Variants in DGKA observed in about 807,000 individuals in gnomAD.
The protein encoded by DGKA is diacylglycerol kinase alpha.
DGKA carries 35 observed loss-of-function variants against 105.0 expected under a neutral mutation model. The ratio of observed to expected loss-of-function variants is 0.33; its 90% CI spans 0.25 to 0.44. DGKA has a LOEUF of 0.44. DGKA is among the 20% of genes least tolerant of loss of function. The pLI, the probability that DGKA is intolerant of heterozygous loss-of-function variation, is 1.00. For synonymous variants in DGKA, 296 were observed against 332.0 expected (o/e 0.89, Z 1.18); for missense variants, 665 against 915.0 (o/e 0.73, Z 3.53).
chr12:55,951,941 T>C, intron 18 of DGKA, 94 bp from the exon 19 acceptor site: 1 of 1,538,232 alleles, frequency 6.5e-7, no homozygotes, highest in South Asian at 1.1e-5. Flanking sequence ...TCTTGGGACA[T>C]GCTGTGGGGA....
At chr12:55,934,279 G>A (rs560981329) in intron 1 of DGKA, among the ~76,000 whole-genome samples, 6 of 152,280 alleles carry the variant, frequency 3.9e-5, no homozygotes, top group African/African-American at 1.2e-4. Context: ...AGTCATCTTA[G>A]AATCCCCAGG....
rs1207197048 is a variant in DGKA at position 55,953,970 on chromosome 12, G to T, written c.*202G>T. On this transcript the variant is annotated 3_prime_UTR_variant, in exon 24 of 24. Coordinates refer to ENST00000331886, the MANE Select transcript of DGKA (RefSeq NM_001345.5). ...ACACACACCCCAAAACACATACATT[G>T]AAAGTGCCTCATCTGAATAAAATGA... The T allele has an allele frequency of 4.7e-6, 3 of 632,490 alleles. No individual in the cohort carries two copies. The South Asian group carries it at 6.3e-5, about 13-fold the overall frequency. 39.2% of individuals were successfully genotyped at this position (632,490 alleles called of 1,614,324 possible).
intron 1 of DGKA, chr12:55,935,937 G>C: frequency 1.0e-6 from 1 of 986,636 alleles, no homozygotes. Context: ...TGGGGTCATG[G>C]CCAGGAAGAC....
chr12:55,933,221 C>A (rs556058192), intron 1 of DGKA, among the ~76,000 whole-genome samples: 1 of 152,316 alleles, frequency 6.6e-6, no homozygotes, highest in East Asian at 1.9e-4. Flanking sequence ...GTAATTCTCT[C>A]TCTATGCCTC....
At chr12:55,927,763 G>A, upstream of DGKA, 5 of 1,538,966 alleles carry the variant, frequency 3.2e-6, no homozygotes, top group East Asian at 2.4e-5. Flanking sequence ...AGCTTCCATG[G>A]CCGAAGAGGC....
At chr12:55,927,941 C>T (rs893933218), upstream of DGKA, 19 of 695,730 alleles carry the variant, frequency 2.7e-5, no homozygotes, top group Non-Finnish European at 4.2e-5. Flanking sequence ...GTGAAAGCTT[C>T]TGGGCGGACC....
intron 17 of DGKA, among the ~76,000 whole-genome samples, chr12:55,948,594 G>T (rs1177566691): frequency 6.6e-6 from 1 of 151,914 alleles, no homozygotes; most frequent in East Asian, 1.9e-4. Context: ...CAGGCATGGT[G>T]GCACACGCTT....
At chr12:55,934,203 G>A (rs1234336029) in intron 1 of DGKA, among the ~76,000 whole-genome samples, 2 of 152,144 alleles carry the variant, frequency 1.3e-5, no homozygotes. Flanking sequence ...TCTCTCCTTT[G>A]CATTGTAACT....
At chr12:55,927,849 G>A (rs1883225292), upstream of DGKA, 1 of 1,487,456 alleles carries the variant, frequency 6.7e-7, no homozygotes, top group Non-Finnish European at 9.0e-7. Flanking sequence ...GCGGCGAAGT[G>A]ATGAGGGCCC....
In DGKA at chr12:55,951,529, G is replaced by A. The variant is rs1189920515; in HGVS notation, c.1427-94G>A. The A allele has an allele frequency of 3.6e-6, 5 of 1,388,074 alleles. No homozygotes were observed. In the South Asian group the frequency reaches 4.1e-5, roughly 11 times the overall value. 86.0% of individuals were successfully genotyped at this position (1,388,074 alleles called of 1,614,324 possible). ...GGCTGGGAGGCTCTGTAGAAACAGG[G>A]CAGAAGGCCCCTGGGAATTTGTGGA... is the stretch of plus-strand genomic sequence containing the variant. On this transcript the variant is annotated intron_variant, in intron 17 of 23. Transcript: ENST00000331886.
chr12:55,927,589 A>T (rs1459190662), upstream of DGKA: 7 of 1,141,128 alleles, frequency 6.1e-6, no homozygotes, highest in South Asian at 2.9e-5. Context: ...GTTTCTAGGG[A>T]CGGTTGGAGA....
chr12:55,945,781 C>A (rs1419360924), intron 17 of DGKA, among the ~76,000 whole-genome samples: 1 of 150,394 alleles, frequency 6.6e-6, no homozygotes, highest in Non-Finnish European at 1.5e-5. Context: ...GATCCCCCAT[C>A]TCAAAATCCT....
At chr12:55,938,377 C>T in intron 5 of DGKA, 134 bp from the exon 6 acceptor site, 2 of 1,128,214 alleles carry the variant, frequency 1.8e-6, no homozygotes, top group Admixed American at 4.1e-5. Flanking sequence ...TTGTCTCTCT[C>T]TCAGTCCCAT....
chr12:55,936,226 CAG>C, intron 1 of DGKA, 195 bp from the exon 2 acceptor site: 1 of 604,816 alleles, frequency 1.7e-6, no homozygotes, highest in Non-Finnish European at 2.5e-6. Flanking sequence ...GAAACAGAGA[CAG>C]AGGACAGACA....
rs756350392 is a variant in DGKA at position 55,940,922 on chromosome 12, G to A, written c.1043G>A (p.Ser348Asn). 1 of 1,614,136 alleles carries A rather than the reference G, an allele frequency of 6.2e-7. No homozygotes were observed. The highest frequency in any genetic ancestry group is 8.5e-7 in the Non-Finnish European group (1 of 1,180,014). The change falls in exon 13 of 24, where the codon AGC (serine) becomes AAC (asparagine). Residue 348 changes from serine (S) to asparagine (N), a missense_variant. Coordinates refer to ENST00000331886, the MANE Select transcript of DGKA (RefSeq NM_001345.5). The surrounding 1 kb of genome is among the most constrained non-coding windows in gnomAD (Gnocchi z 4.3). ...GCCTCTGGACCGGATCGTAAAAATA[G>A]CAAAACAAGCCAGAAGACCATGGAT... Reference protein sequence around the residue: ...VLASGPDRKNSKTSQKTMDDL... With the variant: ...VLASGPDRKNNKTSQKTMDDL...
chr12:55,940,324 A>T lies in DGKA; in HGVS notation c.809A>T (p.His270Leu). Residue 270 changes from histidine to leucine, a missense_variant, in exon 11 of 24, where the codon CAT becomes CTT. Physicochemically the swap from His to Leu is moderately conservative, Grantham distance 99. This residue lies in a region of DGKA where 504 missense variants were observed against 681.2 expected (regional missense o/e 0.74). Coordinates refer to ENST00000331886, the MANE Select transcript of DGKA (RefSeq NM_001345.5). The surrounding 1 kb of genome is among the most constrained non-coding windows in gnomAD (Gnocchi z 4.3). The stretch of plus-strand genomic sequence containing the variant: ...GCCTTTCTCCCCAAGGTCCAATCAC[A>T]TGTGTGGGTGCGAGGAGGCTGTGAG... ...KSRKDIGVQS[H>L]VWVRGGCESG... 6.2e-7 allele frequency: 1 copy of T among 1,614,106 alleles called. No homozygotes were observed. Among genetic ancestry groups the T allele is most frequent in the African/African-American group, 1.3e-5 (1 of 75,018 alleles).
Position 55,941,246 on chromosome 12 carries a change from A to G in DGKA, c.1102-6A>G, listed in dbSNP as rs538807767. On this transcript the variant is annotated splice_polypyrimidine_tract_variant and splice_region_variant and intron_variant, in intron 13 of 23. Coordinates refer to ENST00000331886, the MANE Select transcript of DGKA (RefSeq NM_001345.5). Reference sequence around the variant, plus strand: ...TCTTTGTCCTTATTTTCTTCCCCCAATGCAGATTGACCCTGTTCCTAACAC... The same window carrying G: ...TCTTTGTCCTTATTTTCTTCCCCCAGTGCAGATTGACCCTGTTCCTAACAC... 17 of 1,610,242 alleles carry G rather than the reference A, an allele frequency of 1.1e-5. No homozygotes were observed. Among genetic ancestry groups the G allele is most frequent in the Admixed American group, 8.4e-5 (5 of 59,878 alleles).
intron 17 of DGKA, among the ~76,000 whole-genome samples, chr12:55,948,415 AG>A (rs1293959318): frequency 6.7e-6 from 1 of 149,940 alleles, no homozygotes; most frequent in African/African-American, 2.5e-5. Flanking sequence ...AAAAAAAAAA[AG>A]GTATTTTCTT....
chr12:55,940,259 C>T lies in DGKA; in HGVS notation c.799-55C>T. 6.2e-7 allele frequency: 1 copy of T among 1,614,214 alleles called. No individual in the cohort carries two copies. The highest frequency in any genetic ancestry group is 1.1e-5 in the South Asian group (1 of 91,076). On this transcript the variant is annotated intron_variant, in intron 10 of 23. Coordinates refer to ENST00000331886, the MANE Select transcript of DGKA (RefSeq NM_001345.5). The surrounding 1 kb of genome is among the most constrained non-coding windows in gnomAD (Gnocchi z 4.3). ...GCCCATTGCTGCCCTCAGCCCCTCC[C>T]TCCCCTAGGTCCTGCTCAGACCCTG... is the stretch of plus-strand genomic sequence containing the variant.
Sources: gnomAD v4.1 joint callset for allele counts (sites outside exome capture counted in the v4.1 genomes callset) on GRCh38, gnomAD v4.1.1 for gene constraint, gnomAD v4.1.1 regional missense constraint, Gnocchi (gnomAD v3.1) non-coding constraint, MANE v1.5 for transcripts, NCBI Gene and HGNC (gene_info 2026-07-23, HGNC 2026-07-21) for gene names.